Variants in CLDN16 observed in about 807,000 individuals in gnomAD.
CLDN16 encodes claudin-16.
A neutral mutation model predicts 24.6 loss-of-function variants in CLDN16; 13 were observed. That is an observed-to-expected ratio of 0.53 (90% CI 0.34 to 0.84). CLDN16 has a LOEUF of 0.84. CLDN16 is among the 40% of genes least tolerant of loss of function. The pLI is 0.01. For synonymous variants in CLDN16, 116 were observed against 106.7 expected (o/e 1.09, Z -0.54); for missense variants, 298 against 292.7 (o/e 1.02, Z -0.13).
chr3:190,322,814 G>C (rs567987321), intron 1 of CLDN16, among the ~76,000 whole-genome samples: 4 of 152,128 alleles, frequency 2.6e-5, no homozygotes, highest in African/African-American at 7.2e-5. Context: ...TTATTAAAAG[G>C]CATTTCTACC....
chr3:190,307,813 T>C, the CLDN16 span: 1 of 155,432 alleles, frequency 6.4e-6, no homozygotes, highest in African/African-American at 2.4e-5. Context: ...TATTTGACTG[T>C]TACATATGTA....
Position 190,406,410 on chromosome 3 carries a change from T to C in CLDN16, c.382+1484T>C, listed in dbSNP as rs796345722. On this transcript the variant is annotated intron_variant, in intron 3 of 4. Transcript: ENST00000264734. ...TATTTAATCTAATTATTTACGGCTA[T>C]ATAATTTTGTTCGAGAATATTTTTG... Among the ~76,000 whole-genome samples, 3 of 152,344 alleles carry C rather than the reference T, an allele frequency of 2.0e-5. No individual in the cohort carries two copies. In the South Asian group the frequency reaches 6.2e-4, roughly 32 times the overall value.
chr3:190,406,342 AC>A (rs1357089590), intron 3 of CLDN16, among the ~76,000 whole-genome samples: 2 of 152,214 alleles, frequency 1.3e-5, no homozygotes, highest in Non-Finnish European at 2.9e-5. Flanking sequence ...ACAGCATAGA[AC>A]TTTTTAATAT....
upstream of CLDN16, among the ~76,000 whole-genome samples, chr3:190,384,806 G>A (rs1311051722): frequency 6.6e-6 from 1 of 152,164 alleles, no homozygotes; most frequent in African/African-American, 2.4e-5. Flanking sequence ...CATGTGGGAT[G>A]CACTGGTGAA....
chr3:190,368,264 C>T (rs538759189), intron 1 of CLDN16, among the ~76,000 whole-genome samples: 172 of 152,030 alleles, frequency 1.1e-3, no homozygotes, highest in African/African-American at 3.7e-3. Context: ...CTGTGGGAAG[C>T]CTATGAAGGG....
intron 3 of CLDN16, among the ~76,000 whole-genome samples, chr3:190,375,280 G>A (rs1718222753): frequency 6.6e-6 from 1 of 151,932 alleles, no homozygotes; most frequent in South Asian, 2.1e-4. Context: ...TGACCAAGGG[G>A]ATTTAGGCTG....
intron 1 of CLDN16, among the ~76,000 whole-genome samples, chr3:190,351,816 T>C (rs1717677144): frequency 6.6e-6 from 1 of 152,124 alleles, no homozygotes; most frequent in Non-Finnish European, 1.5e-5. Context: ...TTATTTTATC[T>C]ATTAGCATTC....
chr3:190,301,855 A>G, the CLDN16 span, among the ~76,000 whole-genome samples: 1 of 152,174 alleles, frequency 6.6e-6, no homozygotes, highest in East Asian at 1.9e-4. Context: ...CTTACGGTCT[A>G]TTTTTCAACA....
chr3:190,366,818 CA>C (rs1432880996), intron 1 of CLDN16, among the ~76,000 whole-genome samples: 2 of 151,870 alleles, frequency 1.3e-5, no homozygotes, highest in Non-Finnish European at 2.9e-5. Flanking sequence ...CAGTTTTGAG[CA>C]ATCAGCATCT....
chr3:190,319,616 G>A (rs1204019700), upstream of CLDN16, among the ~76,000 whole-genome samples: 1 of 152,172 alleles, frequency 6.6e-6, no homozygotes, highest in Non-Finnish European at 1.5e-5. Context: ...GCATCTGGCC[G>A]GGAAGACAAG....
chr3:190,344,742 G>A (rs1174070667), intron 1 of CLDN16, among the ~76,000 whole-genome samples: 1 of 151,996 alleles, frequency 6.6e-6, no homozygotes, highest in African/African-American at 2.4e-5. Flanking sequence ...ATGTGATTAG[G>A]TTATAGAATA....
chr3:190,376,567 G>A (rs971870184), intron 3 of CLDN16, among the ~76,000 whole-genome samples: 4 of 151,836 alleles, frequency 2.6e-5, no homozygotes, highest in Admixed American at 6.6e-5. Flanking sequence ...AAAAAGTTAC[G>A]GGAATATAAA....
At chr3:190,325,292 A>G (rs1717037465) in intron 1 of CLDN16, among the ~76,000 whole-genome samples, 1 of 152,046 alleles carries the variant, frequency 6.6e-6, no homozygotes, top group African/African-American at 2.4e-5. Flanking sequence ...CTCCTGCAGT[A>G]TTTCTCTGTG....
At chr3:190,349,906 T>C (rs1464448268) in intron 1 of CLDN16, among the ~76,000 whole-genome samples, 1 of 152,146 alleles carries the variant, frequency 6.6e-6, no homozygotes, top group Non-Finnish European at 1.5e-5. Flanking sequence ...GGGTCAGCCT[T>C]GATTAACCCA....
At chr3:190,392,983 T>C (rs1159838387) in intron 1 of CLDN16, among the ~76,000 whole-genome samples, 2 of 152,228 alleles carry the variant, frequency 1.3e-5, no homozygotes, top group South Asian at 4.1e-4. Flanking sequence ...GGAGAACAAC[T>C]AGGAGACTTT....
At chr3:190,346,299 G>A (rs541692669) in intron 1 of CLDN16, among the ~76,000 whole-genome samples, 32 of 152,292 alleles carry the variant, frequency 2.1e-4, no homozygotes, top group African/African-American at 7.2e-4. Context: ...GAAGTACCAT[G>A]TAGAGATGTG....
At chr3:190,405,462 A>T (rs1049618812) in intron 3 of CLDN16, among the ~76,000 whole-genome samples, 1 of 149,548 alleles carries the variant, frequency 6.7e-6, no homozygotes, top group African/African-American at 2.6e-5. Flanking sequence ...ATAAAGAAAA[A>T]AAAAAGCTCT....
At position 190,335,464 on chromosome 3, in the gene CLDN16, C is replaced by T. The variant is rs187871216; in HGVS notation, n.121+12803C>T. The stretch of plus-strand genomic sequence containing the variant: ...GTGCAGTGGCTCACGCCTGTAATCC[C>T]AGCACTTTGAGAGGCCGAAACGGGT... On this transcript the variant is annotated intron_variant and non_coding_transcript_variant, in intron 1 of 4. Coordinates refer to the CLDN16 transcript ENST00000468220. Among the ~76,000 whole-genome samples the T allele has an allele frequency of 2.7e-3, 412 of 152,080 alleles. 2 individuals carry two copies. Among genetic ancestry groups the T allele is most frequent in the African/African-American group, 9.3e-3 (384 of 41,492 alleles).
chr3:190,315,946 A>G, the CLDN16 span, among the ~76,000 whole-genome samples: 1 of 152,174 alleles, frequency 6.6e-6, no homozygotes, highest in Non-Finnish European at 1.5e-5. Context: ...ACCCACCTGG[A>G]ATGACCTAAT....
Sources: gnomAD v4.1 joint callset for allele counts (sites outside exome capture counted in the v4.1 genomes callset) on GRCh38, gnomAD v4.1.1 for gene constraint, MANE v1.5 for transcripts, NCBI Gene and HGNC (gene_info 2026-07-23, HGNC 2026-07-21) for gene names.